SLC44A5: variants seen among roughly 807,000 people sequenced by gnomAD.
SLC44A5 encodes choline transporter-like protein 5.
SLC44A5 carries 57 observed loss-of-function variants against 101.8 expected under a neutral mutation model. That is an observed-to-expected ratio of 0.56 (90% confidence interval 0.45 to 0.70). The LOEUF is 0.70. Ranked by LOEUF, SLC44A5 falls within the 30% of genes least tolerant of loss-of-function variation. The pLI, the probability that SLC44A5 is intolerant of heterozygous loss-of-function variation, is 0.00. For synonymous variants in SLC44A5, 281 were observed against 290.9 expected (o/e 0.97, Z 0.35); for missense variants, 737 against 853.1 (o/e 0.86, Z 1.70).
In SLC44A5 at chr1:75,219,410, A is replaced by G. The variant is rs986044024; in HGVS notation, c.1179-66T>C. On this transcript the variant is annotated intron_variant, in intron 15 of 23. Coordinates refer to ENST00000370859, the MANE Select transcript of SLC44A5 (RefSeq NM_001130058.2). Reference sequence around the variant, plus strand: ...TTGAAAATAAATGGACAAGAAAACAATACTGACAACTCAAAAGTGCATGAG... The same window carrying G: ...TTGAAAATAAATGGACAAGAAAACAGTACTGACAACTCAAAAGTGCATGAG... 7 of 1,036,160 alleles carry G rather than the reference A, an allele frequency of 6.8e-6. No homozygotes were observed. In the Admixed American group the frequency reaches 1.2e-4, roughly 18 times the overall value. The allele number at this position is 1,036,160 out of a possible 1,614,324, so 64.2% of individuals were successfully genotyped here. A position where few individuals can be genotyped will look rare whatever the true frequency, so the allele number is the denominator to read the frequency against.
the SLC44A5 span, among the ~76,000 whole-genome samples, chr1:75,683,547 A>G: frequency 6.6e-6 from 1 of 152,072 alleles, no homozygotes; most frequent in South Asian, 2.1e-4. Flanking sequence ...ATAGGTGGGT[A>G]TTGAAAAATG....
intron 6 of SLC44A5, among the ~76,000 whole-genome samples, chr1:75,260,096 G>A (rs1415161142): frequency 3.9e-5 from 6 of 152,092 alleles, no homozygotes; most frequent in East Asian, 1.9e-4. Flanking sequence ...AAAGACCATC[G>A]ATGCTAGGAA....
chr1:75,672,270 G>C, the SLC44A5 span, among the ~76,000 whole-genome samples: 3 of 152,120 alleles, frequency 2.0e-5, no homozygotes. Flanking sequence ...ATGTCACAGA[G>C]GGAAAAATCT....
chr1:75,455,824 G>C (rs1420047735), intron 2 of SLC44A5, among the ~76,000 whole-genome samples: 1 of 152,084 alleles, frequency 6.6e-6, no homozygotes, highest in Non-Finnish European at 1.5e-5. Flanking sequence ...TCTCATACCA[G>C]TCAGAATGGC....
chr1:75,707,287 G>A, the SLC44A5 span, among the ~76,000 whole-genome samples: 1 of 152,194 alleles, frequency 6.6e-6, no homozygotes, highest in South Asian at 2.1e-4. Context: ...CCAAAGAGCA[G>A]TCTCAAGAAG....
chr1:75,266,191 G>A (rs1650973108), intron 6 of SLC44A5, among the ~76,000 whole-genome samples: 1 of 152,000 alleles, frequency 6.6e-6, no homozygotes, highest in Non-Finnish European at 1.5e-5. Flanking sequence ...TCCAGAGTTG[G>A]GAATCAAAGG....
At chr1:75,439,238 G>A (rs1380072731) in intron 2 of SLC44A5, among the ~76,000 whole-genome samples, 3 of 152,072 alleles carry the variant, frequency 2.0e-5, no homozygotes, top group Non-Finnish European at 2.9e-5. Context: ...GACACAGCAA[G>A]AAGGCACTTG....
At chr1:75,495,317 T>G (rs1027445508) in intron 2 of SLC44A5, among the ~76,000 whole-genome samples, 6 of 151,828 alleles carry the variant, frequency 4.0e-5, no homozygotes, top group Admixed American at 3.3e-4. Flanking sequence ...TAGCCAGGTG[T>G]GGTGGCGGGC....
chr1:75,474,408 C>T (rs1190947906), intron 2 of SLC44A5, among the ~76,000 whole-genome samples: 1 of 152,160 alleles, frequency 6.6e-6, no homozygotes, highest in Non-Finnish European at 1.5e-5. Context: ...TTCACGAGAA[C>T]ACTACTTTCA....
chr1:75,454,019 G>A (rs1345027924), intron 2 of SLC44A5, among the ~76,000 whole-genome samples: 3 of 151,994 alleles, frequency 2.0e-5, no homozygotes, highest in South Asian at 4.1e-4. Flanking sequence ...ATAAAATTGA[G>A]GGAGAGGGAC....
At chr1:75,424,247 C>G (rs1051930484) in intron 2 of SLC44A5, among the ~76,000 whole-genome samples, 1 of 152,168 alleles carries the variant, frequency 6.6e-6, no homozygotes, top group Non-Finnish European at 1.5e-5. Flanking sequence ...ACACCCCACC[C>G]CCTTGAGCTT....
chr1:75,660,876 G>A, the SLC44A5 span, among the ~76,000 whole-genome samples: 1 of 152,074 alleles, frequency 6.6e-6, no homozygotes, highest in African/African-American at 2.4e-5. Context: ...TGGTTAAAAT[G>A]ACCATATTGT....
intron 12 of SLC44A5, among the ~76,000 whole-genome samples, chr1:75,232,712 A>T (rs1200014319): frequency 6.6e-6 from 1 of 152,184 alleles, no homozygotes; most frequent in African/African-American, 2.4e-5. Context: ...TAAGAGCTTT[A>T]TATTCATTGT....
chr1:75,414,130 G>T (rs1303325110), intron 2 of SLC44A5, among the ~76,000 whole-genome samples: 2 of 151,884 alleles, frequency 1.3e-5, no homozygotes, highest in African/African-American at 4.8e-5. Flanking sequence ...TCACAGAGTT[G>T]CCAAAAACAT....
intron 6 of SLC44A5, among the ~76,000 whole-genome samples, chr1:75,259,443 A>AACTT (rs1423954665): frequency 6.6e-6 from 1 of 152,210 alleles, no homozygotes; most frequent in Non-Finnish European, 1.5e-5. Flanking sequence ...ATTGAAGATC[A>AACTT]ACTCAATGAA....
chr1:75,365,737 G>A (rs1659812360), intron 3 of SLC44A5, among the ~76,000 whole-genome samples: 2 of 152,042 alleles, frequency 1.3e-5, no homozygotes, highest in Non-Finnish European at 2.9e-5. Context: ...CTTTTTATTT[G>A]TAGTTTGTTA....
intron 17 of SLC44A5, 68 bp downstream of exon 17, chr1:75,218,422 C>T: frequency 1.3e-6 from 2 of 1,571,134 alleles, no homozygotes; most frequent in South Asian, 2.3e-5. Context: ...ATTAATGAGC[C>T]AAGACTGAAT....
intron 4 of SLC44A5, among the ~76,000 whole-genome samples, chr1:75,310,955 C>T (rs1468505761): frequency 6.6e-6 from 1 of 151,528 alleles, no homozygotes; most frequent in Non-Finnish European, 1.5e-5. Flanking sequence ...TAAATTTAGC[C>T]ATAGTAAATA....
At chr1:75,232,196 T>C (rs1198311544) in intron 12 of SLC44A5, among the ~76,000 whole-genome samples, 1 of 152,168 alleles carries the variant, frequency 6.6e-6, no homozygotes, top group Admixed American at 6.6e-5. Context: ...AAAATTAAGT[T>C]GTTTTACCTG....
Sources: gnomAD v4.1 joint callset for allele counts (sites outside exome capture counted in the v4.1 genomes callset) on GRCh38, gnomAD v4.1.1 for gene constraint, MANE v1.5 for transcripts, NCBI Gene and HGNC (gene_info 2026-07-23, HGNC 2026-07-21) for gene names.